The following MYO16 variants were observed in gnomAD, a reference collection of about 807,000 sequenced individuals.
The protein encoded by MYO16 is myosin XVI.
Under a neutral mutation model 205.3 loss-of-function variants are expected in MYO16, and 94 were observed. The ratio of observed to expected loss-of-function variants is 0.46; its 90% CI spans 0.39 to 0.54. The LOEUF is 0.54. Among genes scored for constraint, MYO16 ranks in the 20% least tolerant of loss-of-function variants. The probability of loss-of-function intolerance (pLI) is 0.00; values close to 1 mark genes in which losing one functional copy is unlikely to be tolerated. For missense variants in MYO16, 2,315 were observed against 2,387.5 expected (o/e 0.97, Z 0.63); for synonymous variants, 988 against 954.0 (o/e 1.04, Z -0.66).
chr13:108,987,322 T>G (rs376477033), intron 20 of MYO16, among the ~76,000 whole-genome samples: 17 of 152,166 alleles, frequency 1.1e-4, no homozygotes, highest in African/African-American at 4.1e-4. Context: ...CTCAAGTACT[T>G]TCTTCAAAGA....
At chr13:109,099,735 A>G (rs1039149638) in intron 27 of MYO16, among the ~76,000 whole-genome samples, 1 of 152,174 alleles carries the variant, frequency 6.6e-6, no homozygotes, top group Non-Finnish European at 1.5e-5. Flanking sequence ...TGTGATTCCC[A>G]TGTGGCTGTC....
chr13:109,104,343 CTT>C, intron 28 of MYO16, among the ~76,000 whole-genome samples: 1 of 152,282 alleles, frequency 6.6e-6, no homozygotes, highest in Admixed American at 6.5e-5. Flanking sequence ...TGTACAGTGT[CTT>C]TTTTATGTTT....
chr13:108,809,216 C>A (rs1247282630), intron 7 of MYO16, among the ~76,000 whole-genome samples: 3 of 152,182 alleles, frequency 2.0e-5, no homozygotes, highest in African/African-American at 7.2e-5. Context: ...AGAAACACTT[C>A]CCAACTACTT....
At chr13:108,722,847 G>A (rs781477682) in intron 3 of MYO16, among the ~76,000 whole-genome samples, 1 of 152,092 alleles carries the variant, frequency 6.6e-6, no homozygotes, top group East Asian at 1.9e-4. Flanking sequence ...CAGTTCATAC[G>A]GTCAAGGCAC....
intron 16 of MYO16, among the ~76,000 whole-genome samples, chr13:108,943,881 G>A (rs150927731): frequency 3.9e-5 from 6 of 152,310 alleles, no homozygotes; most frequent in African/African-American, 9.6e-5. Context: ...CACCGCCACC[G>A]GCTTTGTTTC....
chr13:109,189,633 C>A (rs534110510), intron 34 of MYO16, among the ~76,000 whole-genome samples: 1 of 152,248 alleles, frequency 6.6e-6, no homozygotes, highest in African/African-American at 2.4e-5. Flanking sequence ...ACATTGAAAC[C>A]CCCCAGGCCA....
At chr13:108,626,162 G>GA (rs1210144716), upstream of MYO16, among the ~76,000 whole-genome samples, 1 of 151,524 alleles carries the variant, frequency 6.6e-6, no homozygotes, top group Non-Finnish European at 1.5e-5. Flanking sequence ...ACATTTAAGA[G>GA]AAAAAAAATC....
intron 23 of MYO16, among the ~76,000 whole-genome samples, chr13:109,022,962 A>T (rs1480921549): frequency 1.5e-5 from 2 of 135,636 alleles, no homozygotes; most frequent in Admixed American, 1.6e-4. Flanking sequence ...TTTATATATT[A>T]TATATACACG....
chr13:109,060,887 C>T (rs544390641), intron 27 of MYO16, among the ~76,000 whole-genome samples: 2 of 152,294 alleles, frequency 1.3e-5, no homozygotes, highest in East Asian at 3.9e-4. Context: ...TCCTAGGTGG[C>T]ATCTTCTTCC....
intron 17 of MYO16, among the ~76,000 whole-genome samples, chr13:108,958,108 TGAATA>T (rs1883446132): frequency 6.7e-6 from 1 of 149,066 alleles, no homozygotes; most frequent in African/African-American, 2.4e-5. Flanking sequence ...TTTCCCAAAA[TGAATA>T]TAATATATAC....
intron 10 of MYO16, among the ~76,000 whole-genome samples, chr13:108,854,613 G>T (rs990802586): frequency 6.6e-5 from 10 of 151,888 alleles, no homozygotes; most frequent in African/African-American, 2.4e-4. Context: ...GAGTATCAAA[G>T]AACTCACATT....
chr13:108,704,980 A>G (rs1883451509), intron 2 of MYO16, among the ~76,000 whole-genome samples: 1 of 152,070 alleles, frequency 6.6e-6, no homozygotes, highest in African/African-American at 2.4e-5. Flanking sequence ...CCAAACCAAA[A>G]CAAAAATTAC....
chr13:108,496,874 C>T, the MYO16 span, among the ~76,000 whole-genome samples: 1 of 150,578 alleles, frequency 6.6e-6, no homozygotes, highest in Non-Finnish European at 1.5e-5. Flanking sequence ...TCTGAATTGG[C>T]CAGAGGAGTA....
At chr13:108,693,862 C>A (rs148122676) in intron 2 of MYO16, among the ~76,000 whole-genome samples, 176 of 152,272 alleles carry the variant, frequency 1.2e-3, no homozygotes, top group African/African-American at 4.1e-3. Context: ...CCTCTTGCCA[C>A]CTTTCACCCT....
chr13:109,022,358 G>A (rs867656803), intron 23 of MYO16, among the ~76,000 whole-genome samples: 1 of 64,534 alleles, frequency 1.5e-5, no homozygotes, highest in African/African-American at 6.5e-5. Flanking sequence ...AAATATATAT[G>A]TATATATGTA....
chr13:108,575,232 T>G, the MYO16 span, among the ~76,000 whole-genome samples: 1 of 152,208 alleles, frequency 6.6e-6, no homozygotes, highest in African/African-American at 2.4e-5. Context: ...GCTTTTCATC[T>G]GCTTAGAGCT....
At chr13:108,542,997 A>G in the MYO16 span, among the ~76,000 whole-genome samples, 1 of 152,016 alleles carries the variant, frequency 6.6e-6, no homozygotes, top group Non-Finnish European at 1.5e-5. Flanking sequence ...CTGAATACAA[A>G]CGGAGAAAAC....
At chr13:109,095,481 A>C (rs1022477681) in intron 27 of MYO16, among the ~76,000 whole-genome samples, 1 of 152,224 alleles carries the variant, frequency 6.6e-6, no homozygotes, top group African/African-American at 2.4e-5. Flanking sequence ...ATTCCAAAAG[A>C]CAAGATGTTT....
intron 34 of MYO16, among the ~76,000 whole-genome samples, chr13:109,182,127 A>T (rs1420218520): frequency 6.6e-6 from 1 of 152,130 alleles, no homozygotes; most frequent in East Asian, 1.9e-4. Context: ...CTGTTTCATA[A>T]AACATAAAGA....
Sources: allele counts gnomAD v4.1 joint callset (sites outside exome capture counted in the v4.1 genomes callset), GRCh38; gene constraint gnomAD v4.1.1; transcripts MANE v1.5; gene names NCBI Gene and HGNC (gene_info 2026-07-23, HGNC 2026-07-21).